Variants in MASP1 observed in about 807,000 individuals in gnomAD.
MASP1 encodes mannan-binding lectin serine protease 1.
MASP1 carries 59 observed loss-of-function variants against 77.1 expected under a neutral mutation model. The ratio of observed to expected loss-of-function variants is 0.77; its 90% CI spans 0.62 to 0.95. The LOEUF is 0.95. Among genes scored for constraint, MASP1 ranks in the 40% least tolerant of loss-of-function variants. The pLI is 0.00. For missense variants in MASP1, 885 were observed against 912.9 expected, an observed-to-expected ratio of 0.97 and a Z score of 0.39; for synonymous variants, 362 against 354.5, an observed-to-expected ratio of 1.02 and a Z score of -0.24.
intron 5 of MASP1, chr3:187,256,456 A>C: frequency 1.6e-6 from 1 of 611,728 alleles, no homozygotes. Flanking sequence ...AAGCCACCCT[A>C]GTGGCCAGTG....
chr3:187,250,091 T>A (rs949795301), intron 8 of MASP1, among the ~76,000 whole-genome samples, 160 bp downstream of exon 8: 1 of 152,234 alleles, frequency 6.6e-6, no homozygotes, highest in Non-Finnish European at 1.5e-5. Context: ...AAAGGGGCAC[T>A]GATACTCTTT....
intron 6 of MASP1, 44 bp downstream of exon 6, chr3:187,253,124 G>C (rs777627764): frequency 6.2e-7 from 1 of 1,611,690 alleles, no homozygotes; most frequent in Non-Finnish European, 8.5e-7. Flanking sequence ...CTCTGCAAGG[G>C]CTAAGCACAG....
intron 13 of MASP1, chr3:187,225,204 T>G: frequency 8.7e-7 from 1 of 1,145,072 alleles, no homozygotes; most frequent in South Asian, 1.3e-5. Flanking sequence ...GGGGAAGCAG[T>G]TGGTGAGTCA....
At position 187,234,669 on chromosome 3, in the gene MASP1, C is replaced by T. The variant is rs1345058464; in HGVS notation, c.*1015G>A. The T allele has an allele frequency of 1.5e-5, 19 of 1,287,176 alleles. No individual in the cohort carries two copies. The highest frequency in any genetic ancestry group is 1.8e-5 in the Non-Finnish European group (18 of 988,688). The allele number at this position is 1,287,176 out of a possible 1,614,324, so 79.7% of individuals were successfully genotyped here. A position where few individuals can be genotyped will look rare whatever the true frequency, so the allele number is the denominator to read the frequency against. ...CAGCTCATGCCCCAGGGATGCCAGG[C>T]AGCCTGGCAGGATTTGGGTGACTTC... On this transcript the variant is annotated 3_prime_UTR_variant, in exon 11 of 11. Transcript: ENST00000296280.
intron 8 of MASP1, among the ~76,000 whole-genome samples, chr3:187,248,464 G>A (rs945012780): frequency 6.6e-6 from 1 of 152,144 alleles, no homozygotes; most frequent in South Asian, 2.1e-4. Context: ...AGCTGAGAGG[G>A]ACTGTCAGCT....
intron 14 of MASP1, among the ~76,000 whole-genome samples, chr3:187,221,646 A>G (rs1282257005): frequency 6.6e-6 from 1 of 152,178 alleles, no homozygotes. Flanking sequence ...TTTGTAAACT[A>G]CACACACTGT....
chr3:187,225,188 G>T, intron 13 of MASP1: 1 of 990,816 alleles, frequency 1.0e-6, no homozygotes, highest in Non-Finnish European at 1.5e-6. Flanking sequence ...TGACTTGGCT[G>T]TTTGAGGGGA....
chr3:187,218,769 G>A (rs1055857737), exon 16 of MASP1: 4 of 152,304 alleles, frequency 2.6e-5, no homozygotes, highest in Non-Finnish European at 4.4e-5. Context: ...ATATCTTGGA[G>A]CTCTGGAGGG....
intron 3 of MASP1, 41 bp downstream of exon 3, chr3:187,262,502 G>A (rs781126793): frequency 1.2e-6 from 2 of 1,603,192 alleles, no homozygotes; most frequent in African/African-American, 2.7e-5. Flanking sequence ...TCTTCGGAGA[G>A]AGAGAGAGAG....
At position 187,286,024 on chromosome 3, in the gene MASP1, GAGA is replaced by G; in HGVS notation, c.35_37del (p.Phe12del). The G allele has an allele frequency of 6.2e-7, 1 of 1,614,196 alleles. No individual in the cohort carries two copies. The highest frequency in any genetic ancestry group is 8.5e-7 in the Non-Finnish European group (1 of 1,180,022). The stretch of plus-strand genomic sequence containing the variant: ...GGTGTGGGCTGAAGCCTTTGACAGG[GAGA>G]AGCACAGAGCATAATAGAGAAGCAG... On this transcript the variant is annotated inframe_deletion, in exon 2 of 11. Transcript: ENST00000296280.
chr3:187,251,949 C>T (rs1462198933), intron 6 of MASP1, among the ~76,000 whole-genome samples, 197 bp from the exon 7 acceptor site: 1 of 152,180 alleles, frequency 6.6e-6, no homozygotes, highest in Non-Finnish European at 1.5e-5. Flanking sequence ...ACCACCATGT[C>T]CTTACTTGTA....
intron 8 of MASP1, chr3:187,246,959 G>C: frequency 8.9e-7 from 1 of 1,126,424 alleles, no homozygotes; most frequent in Non-Finnish European, 1.1e-6. Context: ...GAATGGATTA[G>C]AAACCACTTT....
At chr3:187,249,058 G>A (rs1714343783) in intron 8 of MASP1, among the ~76,000 whole-genome samples, 1 of 152,060 alleles carries the variant, frequency 6.6e-6, no homozygotes, top group South Asian at 2.1e-4. Context: ...TTGTTTGTTT[G>A]TTTGTTTTTT....
intron 2 of MASP1, 131 bp downstream of exon 2, chr3:187,285,694 C>T: frequency 1.3e-6 from 1 of 776,548 alleles, no homozygotes; most frequent in Non-Finnish European, 2.3e-6. Context: ...CCACCTTGAC[C>T]TGAATTCATA....
At chr3:187,278,444 G>T (rs771151875) in intron 2 of MASP1, among the ~76,000 whole-genome samples, 23 of 152,314 alleles carry the variant, frequency 1.5e-4, no homozygotes, top group Non-Finnish European at 2.1e-4. Context: ...CTCAGATGGT[G>T]GCAGAGACAG....
chr3:187,269,753 T>C (rs1050780115), intron 2 of MASP1, among the ~76,000 whole-genome samples: 6 of 152,214 alleles, frequency 3.9e-5, no homozygotes, highest in African/African-American at 1.2e-4. Flanking sequence ...GGAAATTCTA[T>C]TGTGGTTATC....
intron 2 of MASP1, among the ~76,000 whole-genome samples, chr3:187,265,304 C>T (rs1334522689): frequency 6.6e-6 from 1 of 152,196 alleles, no homozygotes; most frequent in East Asian, 1.9e-4. Flanking sequence ...GTGACTGGGA[C>T]ATGAACATTT....
In MASP1 at chr3:187,243,567, G is replaced by A. The variant is rs1221449152; in HGVS notation, c.1145C>T (p.Thr382Ile). ...ELEHGLITFS[T>I]RNNLTTYKSE... Reference sequence around the variant, plus strand: ...CTTGTATGTGGTGAGGTTGTTCCTTGTAGAGAAGGTGATCAGCCCGTGTTC... The same window carrying A: ...CTTGTATGTGGTGAGGTTGTTCCTTATAGAGAAGGTGATCAGCCCGTGTTC... Residue 382 changes from threonine (T) to isoleucine (I), a missense_variant, in exon 9 of 11, where the codon ACA becomes ATA. By Grantham distance (89) the Thr-to-Ile change is moderately conservative. Coordinates refer to ENST00000296280, the MANE Select transcript of MASP1 (RefSeq NM_139125.4). 1 of 1,614,186 alleles carries A rather than the reference G, an allele frequency of 6.2e-7. No individual in the cohort carries two copies. Among genetic ancestry groups the A allele is most frequent in the South Asian group, 1.1e-5 (1 of 91,076 alleles).
intron 5 of MASP1, among the ~76,000 whole-genome samples, chr3:187,255,803 A>G (rs1579525252): frequency 6.7e-6 from 1 of 149,516 alleles, no homozygotes; most frequent in Admixed American, 6.7e-5. Context: ...TCCTCCATCT[A>G]GGTCTCATAA....
Sources: gnomAD v4.1 joint callset for allele counts (sites outside exome capture counted in the v4.1 genomes callset) on GRCh38, gnomAD v4.1.1 for gene constraint, MANE v1.5 for transcripts, NCBI Gene and HGNC (gene_info 2026-07-23, HGNC 2026-07-21) for gene names.